Variants in LINGO2 observed in about 807,000 individuals in gnomAD.
The protein encoded by LINGO2 is leucine-rich repeat and immunoglobulin-like domain-containing nogo receptor-interacting protein 2.
Under a neutral mutation model 30.6 loss-of-function variants are expected in LINGO2, and 14 were observed. That is an observed-to-expected ratio of 0.46 (90% CI 0.30 to 0.72). LINGO2 has a LOEUF of 0.72. Ranked by LOEUF, LINGO2 falls within the 30% of genes least tolerant of loss-of-function variation. LINGO2 has a pLI of 0.07. For missense variants in LINGO2, 729 were observed against 751.7 expected (o/e 0.97, Z 0.35); for synonymous variants, 317 against 288.5 (o/e 1.10, Z -1.00).
intron 4 of LINGO2, among the ~76,000 whole-genome samples, chr9:28,126,657 T>C (rs1827244155): frequency 6.6e-6 from 1 of 152,222 alleles, no homozygotes; most frequent in African/African-American, 2.4e-5. Flanking sequence ...ATTAGAGGCT[T>C]ATGACTCTCA....
rs1281208855 is a variant in LINGO2 at position 28,120,893 on chromosome 9, G to C, written c.-86-108488C>G. 2.0e-5 allele frequency among the ~76,000 whole-genome samples: 3 copies of C among 150,928 alleles called. No individual in the cohort carries two copies. The East Asian group carries it at 5.8e-4, about 29-fold the overall frequency. On this transcript the variant is annotated intron_variant, in intron 4 of 5. Coordinates refer to ENST00000379992, the Ensembl canonical transcript of LINGO2. ...CGACAGTGTTGCTTTAAGTGAAATA[G>C]GAAAAAAAAGTAAGAAACAAAACTG... is the stretch of plus-strand genomic sequence containing the variant.
At chr9:28,574,525 A>T (rs1823860678) in intron 1 of LINGO2, among the ~76,000 whole-genome samples, 1 of 152,162 alleles carries the variant, frequency 6.6e-6, no homozygotes, top group Admixed American at 6.6e-5. Flanking sequence ...TGTTTTTAGT[A>T]CATAGTTATT....
At chr9:28,205,536 G>A (rs1820379650) in intron 4 of LINGO2, among the ~76,000 whole-genome samples, 1 of 152,142 alleles carries the variant, frequency 6.6e-6, no homozygotes, top group African/African-American at 2.4e-5. Context: ...TAACTAGAAT[G>A]TTAACTGTGG....
At chr9:28,053,272 C>T (rs1428368745) in intron 4 of LINGO2, among the ~76,000 whole-genome samples, 1 of 152,008 alleles carries the variant, frequency 6.6e-6, no homozygotes, top group Non-Finnish European at 1.5e-5. Flanking sequence ...GCTCAGGCAG[C>T]AGCAGCAACA....
chr9:29,137,378 C>G, the LINGO2 span, among the ~76,000 whole-genome samples: 1 of 152,126 alleles, frequency 6.6e-6, no homozygotes, highest in Admixed American at 6.5e-5. Flanking sequence ...ATCTCCCTGC[C>G]TGGGTAATAA....
At chr9:28,187,403 T>C (rs1819580158) in intron 4 of LINGO2, among the ~76,000 whole-genome samples, 1 of 150,556 alleles carries the variant, frequency 6.6e-6, no homozygotes, top group African/African-American at 2.5e-5. Flanking sequence ...GGCAGGAGAA[T>C]CAGTTGAGCC....
At chr9:28,801,278 T>C in the LINGO2 span, among the ~76,000 whole-genome samples, 1 of 152,064 alleles carries the variant, frequency 6.6e-6, no homozygotes, top group African/African-American at 2.4e-5. Context: ...AGCCTCAAGG[T>C]AGTGCTTTCC....
the LINGO2 span, among the ~76,000 whole-genome samples, chr9:28,679,426 T>C: frequency 6.6e-6 from 1 of 152,112 alleles, no homozygotes; most frequent in Non-Finnish European, 1.5e-5. Context: ...TAAGGATGTC[T>C]TGCTGATGCT....
intron 1 of LINGO2, among the ~76,000 whole-genome samples, chr9:28,506,568 T>C (rs1820148656): frequency 7.4e-6 from 1 of 135,696 alleles, no homozygotes; most frequent in Admixed American, 7.7e-5. Context: ...AATGTCCATT[T>C]ATAATTTATA....
At chr9:28,605,552 G>A (rs1018430186) in intron 1 of LINGO2, among the ~76,000 whole-genome samples, 16 of 151,884 alleles carry the variant, frequency 1.1e-4, no homozygotes, top group Admixed American at 2.0e-4. Flanking sequence ...TAAGTTCCTG[G>A]AAGTCAGGCC....
At chr9:28,735,321 T>A in the LINGO2 span, among the ~76,000 whole-genome samples, 1 of 152,158 alleles carries the variant, frequency 6.6e-6, no homozygotes, top group African/African-American at 2.4e-5. Context: ...ATTTTAAAAA[T>A]TATATTAACA....
chr9:28,004,861 G>A (rs185060517), intron 5 of LINGO2, among the ~76,000 whole-genome samples: 36 of 152,278 alleles, frequency 2.4e-4, no homozygotes, highest in African/African-American at 7.9e-4. Flanking sequence ...CTCTGTTTTG[G>A]TAGCAGGTAT....
At chr9:28,711,417 G>A in the LINGO2 span, among the ~76,000 whole-genome samples, 1 of 152,078 alleles carries the variant, frequency 6.6e-6, no homozygotes, top group Non-Finnish European at 1.5e-5. Flanking sequence ...TAAATAAAGT[G>A]TTTAGCCCAG....
At chr9:28,137,661 G>T (rs1440897114) in intron 4 of LINGO2, among the ~76,000 whole-genome samples, 1 of 151,970 alleles carries the variant, frequency 6.6e-6, no homozygotes, top group Non-Finnish European at 1.5e-5. Flanking sequence ...TGATAGAAAA[G>T]ATTTTTTCTG....
intron 1 of LINGO2, among the ~76,000 whole-genome samples, chr9:28,550,297 A>T (rs1822205800): frequency 6.6e-6 from 1 of 151,554 alleles, no homozygotes; most frequent in African/African-American, 2.4e-5. Flanking sequence ...TTAACTTCTC[A>T]TATGTTTTTC....
At chr9:28,647,102 G>A (rs138649654) in intron 1 of LINGO2, among the ~76,000 whole-genome samples, 1 of 152,182 alleles carries the variant, frequency 6.6e-6, no homozygotes, top group African/African-American at 2.4e-5. Context: ...TGCCACTGCT[G>A]CCTCTACTGC....
intron 4 of LINGO2, among the ~76,000 whole-genome samples, chr9:28,077,444 C>T (rs1270512740): frequency 6.6e-6 from 1 of 152,182 alleles, no homozygotes; most frequent in Non-Finnish European, 1.5e-5. Context: ...CACATGTATA[C>T]ACTTTATATA....
chr9:28,662,041 G>T (rs1224633280), intron 1 of LINGO2, among the ~76,000 whole-genome samples: 1 of 152,120 alleles, frequency 6.6e-6, no homozygotes, highest in Non-Finnish European at 1.5e-5. Flanking sequence ...TCTCCCACAG[G>T]GAACTCAACA....
intron 4 of LINGO2, among the ~76,000 whole-genome samples, chr9:28,232,965 C>G (rs1051139251): frequency 2.8e-5 from 4 of 144,778 alleles, no homozygotes; most frequent in African/African-American, 5.2e-5. Flanking sequence ...GTTTAGACTT[C>G]TATGATTCCA....
Sources: gnomAD v4.1 joint callset for allele counts (sites outside exome capture counted in the v4.1 genomes callset) on GRCh38, gnomAD v4.1.1 for gene constraint, MANE v1.5 for transcripts, NCBI Gene and HGNC (gene_info 2026-07-23, HGNC 2026-07-21) for gene names.